SERTAD4: variants seen among roughly 807,000 people sequenced by gnomAD.
The protein encoded by SERTAD4 is SERTA domain containing 4.
A neutral mutation model predicts 32.9 loss-of-function variants in SERTAD4; 18 were observed. That is an observed-to-expected ratio of 0.55 (90% CI 0.38 to 0.81). The LOEUF is 0.81. Ranked by LOEUF, SERTAD4 falls within the 30% of genes least tolerant of loss-of-function variation. SERTAD4 has a pLI of 0.00. For synonymous variants in SERTAD4, 150 were observed against 156.4 expected (o/e 0.96, Z 0.30); for missense variants, 383 against 426.0 (o/e 0.90, Z 0.89).
At position 210,243,334 on chromosome 1, in the gene SERTAD4, T is replaced by G. The variant is rs942529431; in HGVS notation, c.*997T>G. The G allele has an allele frequency of 5.6e-6, 1 of 178,758 alleles. No homozygotes were observed. The highest frequency in any genetic ancestry group is 1.1e-5 in the Non-Finnish European group (1 of 92,700). 11.1% of individuals were successfully genotyped at this position (178,758 alleles called of 1,614,324 possible). Reference sequence around the variant, plus strand: ...ACTGTGTGTTGCTGGGGTTGGGGTTTTCTGGGTTTTGGGTTGTTTTGTTTT... The same window carrying G: ...ACTGTGTGTTGCTGGGGTTGGGGTTGTCTGGGTTTTGGGTTGTTTTGTTTT... On this transcript the variant is annotated 3_prime_UTR_variant, in exon 4 of 4. Coordinates refer to ENST00000367012, the MANE Select transcript of SERTAD4 (RefSeq NM_019605.5).
Position 210,243,093 on chromosome 1 carries a change from CAAAA to C in SERTAD4, c.*775_*778del, listed in dbSNP as rs57426441. The C allele has an allele frequency of 8.3e-3, 4,038 of 485,874 alleles. 82 individuals carry two copies. The East Asian group carries it at 0.25, about 30-fold the overall frequency. The allele number at this position is 485,874 out of a possible 1,614,324, so 30.1% of individuals were successfully genotyped here. A position where few individuals can be genotyped will look rare whatever the true frequency, so the allele number is the denominator to read the frequency against. On this transcript the variant is annotated 3_prime_UTR_variant, in exon 4 of 4. Coordinates refer to ENST00000367012, the MANE Select transcript of SERTAD4 (RefSeq NM_019605.5). ...TACAGCAGGGATTTAACAAACAGGA[CAAAA>C]AAAAAAAAAAAAAAAAAACCACAGG... is the stretch of plus-strand genomic sequence containing the variant.
chr1:210,233,988 T>C, intron 1 of SERTAD4: 1 of 361,788 alleles, frequency 2.8e-6, no homozygotes, highest in Admixed American at 4.2e-5. Flanking sequence ...AACTTGGTTT[T>C]TTTTTTAAAA....
chr1:210,236,807 A>G (rs1181615733), intron 1 of SERTAD4, among the ~76,000 whole-genome samples: 1 of 152,214 alleles, frequency 6.6e-6, no homozygotes, highest in Admixed American at 6.5e-5. Flanking sequence ...ATTGGCAGTT[A>G]AGGAGGCACT....
At position 210,245,786 on chromosome 1, in the gene SERTAD4, T is replaced by C. The variant is rs1012889629; in HGVS notation, c.*3449T>C. On this transcript the variant is annotated 3_prime_UTR_variant, in exon 4 of 4. Transcript: ENST00000367012. ...ATTACAGCTCCACTTGGTGACTTCCTTTCTGTGTATCAGGAGCAGAGCAGA... is the reference window on the plus strand; with the variant it reads ...ATTACAGCTCCACTTGGTGACTTCCCTTCTGTGTATCAGGAGCAGAGCAGA... The C allele has an allele frequency of 1.5e-5, 15 of 984,958 alleles. No homozygotes were observed. The highest frequency in any genetic ancestry group is 6.1e-5 in the Admixed American group (1 of 16,268). The allele number at this position is 984,958 out of a possible 1,614,324, so 61.0% of individuals were successfully genotyped here.
chr1:210,237,972 T>A lies in SERTAD4; in HGVS notation c.12T>A (p.Val4=), dbSNP rs143116225. Residue 4 remains valine, a synonymous_variant, in exon 2 of 4, where the codon GTT becomes GTA. Coordinates refer to ENST00000367012, the MANE Select transcript of SERTAD4 (RefSeq NM_019605.5). Reference sequence around the variant, plus strand: ...TGAGGCTGTCAGAGATGACTCTGGTTCTGTCCATGAATAGATTCTGCGAGC... The same window carrying A: ...TGAGGCTGTCAGAGATGACTCTGGTACTGTCCATGAATAGATTCTGCGAGC... MTL[V]LSMNRFCEPI... is the part of the protein sequence containing the mutation. The A allele has an allele frequency of 7.4e-5, 119 of 1,613,464 alleles. No individual in the cohort carries two copies. In the African/African-American group the frequency reaches 1.4e-3, roughly 20 times the overall value.
intron 1 of SERTAD4, among the ~76,000 whole-genome samples, chr1:210,234,836 C>T (rs1429098955): frequency 6.6e-6 from 1 of 152,178 alleles, no homozygotes; most frequent in Admixed American, 6.5e-5. Flanking sequence ...CTCCTATTAG[C>T]ATCATAATTG....
At chr1:210,237,043 G>A (rs2083947528) in intron 1 of SERTAD4, among the ~76,000 whole-genome samples, 2 of 152,230 alleles carry the variant, frequency 1.3e-5, no homozygotes, top group African/African-American at 4.8e-5. Context: ...GCCCAAGGGA[G>A]AAGGGCGTGA....
chr1:210,234,787 C>A (rs996504994), intron 1 of SERTAD4, among the ~76,000 whole-genome samples: 1 of 152,202 alleles, frequency 6.6e-6, no homozygotes, highest in African/African-American at 2.4e-5. Context: ...ATTCAAGGTG[C>A]CGCTGAATTC....
Position 210,243,019 on chromosome 1 carries a change from A to G in SERTAD4, c.*682A>G. ...TATACAGGGCGATTTTTGGTGCCTT[A>G]CTTTTATCTTAATTTTTGCCAATGT... On this transcript the variant is annotated 3_prime_UTR_variant, in exon 4 of 4. Transcript: ENST00000367012. The G allele has an allele frequency of 1.0e-6, 1 of 973,188 alleles. No homozygotes were observed. The highest frequency in any genetic ancestry group is 1.2e-6 in the Non-Finnish European group (1 of 828,084). 60.3% of individuals were successfully genotyped at this position (973,188 alleles called of 1,614,324 possible).
At position 210,242,766 on chromosome 1, in the gene SERTAD4, A is replaced by G; in HGVS notation, c.*429A>G. The G allele has an allele frequency of 1.0e-6, 1 of 989,686 alleles. No homozygotes were observed. The highest frequency in any genetic ancestry group is 1.2e-6 in the Non-Finnish European group (1 of 832,654). 61.3% of individuals were successfully genotyped at this position (989,686 alleles called of 1,614,324 possible). On this transcript the variant is annotated 3_prime_UTR_variant, in exon 4 of 4. Coordinates refer to ENST00000367012, the MANE Select transcript of SERTAD4 (RefSeq NM_019605.5). This position sits in a 1 kb window ranked among gnomAD's most constrained non-coding sequence, Gnocchi z 4.0. ...AAGATACCTGCTTCTTCTATATGATACAATATTTTTTTTAAATAAAAGACT... is the reference window on the plus strand; with the variant it reads ...AAGATACCTGCTTCTTCTATATGATGCAATATTTTTTTTAAATAAAAGACT...
intron 1 of SERTAD4, among the ~76,000 whole-genome samples, chr1:210,236,584 T>C (rs1214136835): frequency 1.3e-5 from 2 of 152,244 alleles, no homozygotes; most frequent in East Asian, 1.9e-4. Context: ...ACCCTTGTTA[T>C]AGCATGTAGG....
rs1558257946 is a variant in SERTAD4, at chr1:210,241,602, C to G, written c.336C>G (p.Ser112=). 6.2e-7 allele frequency: 1 copy of G among 1,608,408 alleles called. No homozygotes were observed. The highest frequency in any genetic ancestry group is 1.3e-5 in the African/African-American group (1 of 74,146). ...AACGAGCCCACATCCTTTATATGTC[C>G]TTAGAAAAGCTAAAGTTTATCGATG... ...FEERAHILYM[S]LEKLKFIDDP... The change falls in exon 4 of 4, where the codon TCC becomes TCG. Residue 112 remains serine (S), a synonymous_variant. Transcript: ENST00000367012.
rs923107032 is a variant in SERTAD4 at position 210,244,346 on chromosome 1, T to C, written c.*2009T>C. ...GATGATGTGGTGATCAATAAGGTTATGTCTGAAAGAATGTAAAGATTTTCC... is the reference window on the plus strand; with the variant it reads ...GATGATGTGGTGATCAATAAGGTTACGTCTGAAAGAATGTAAAGATTTTCC... On this transcript the variant is annotated 3_prime_UTR_variant, in exon 4 of 4. Transcript: ENST00000367012. The C allele has an allele frequency of 1.3e-5, 2 of 152,242 alleles. No individual in the cohort carries two copies. The highest frequency in any genetic ancestry group is 4.8e-5 in the African/African-American group (2 of 41,460). The allele number at this position is 152,242 out of a possible 1,614,324, so 9.4% of individuals were successfully genotyped here. A position where few individuals can be genotyped will look rare whatever the true frequency, so the allele number is the denominator to read the frequency against.
chr1:210,238,553 A>G (rs930286835), intron 2 of SERTAD4, among the ~76,000 whole-genome samples: 2 of 152,200 alleles, frequency 1.3e-5, no homozygotes, highest in East Asian at 1.9e-4. Context: ...GCCAGCAGCT[A>G]TGAGCTTCTT....
rs1023685833 is a variant in SERTAD4 at position 210,244,149 on chromosome 1, T to C, written c.*1812T>C. 6.6e-6 allele frequency: 1 copy of C among 152,332 alleles called. No individual in the cohort carries two copies. Among genetic ancestry groups the C allele is most frequent in the East Asian group, 1.9e-4 (1 of 5,186 alleles). The allele number at this position is 152,332 out of a possible 1,614,324, so 9.4% of individuals were successfully genotyped here. A position where few individuals can be genotyped will look rare whatever the true frequency, so the allele number is the denominator to read the frequency against. On this transcript the variant is annotated 3_prime_UTR_variant, in exon 4 of 4. Transcript: ENST00000367012. ...CTATTGGCTATGTTTCTCTTTTCCA[T>C]TATTCTCTCTCCTTTAAAAAACTCA...
intron 1 of SERTAD4, chr1:210,234,179 T>G (rs1372047526): frequency 4.3e-6 from 1 of 234,522 alleles, no homozygotes; most frequent in Non-Finnish European, 8.3e-6. Flanking sequence ...GGCTGAGGGC[T>G]GCGGCACCGA....
chr1:210,236,632 C>G (rs2083943114), intron 1 of SERTAD4, among the ~76,000 whole-genome samples: 1 of 152,214 alleles, frequency 6.6e-6, no homozygotes, highest in Non-Finnish European at 1.5e-5. Context: ...TAGATTCACT[C>G]TTTCCCAGAA....
chr1:210,238,291 T>C (rs536865379), intron 2 of SERTAD4, among the ~76,000 whole-genome samples, 156 bp downstream of exon 2: 1 of 152,214 alleles, frequency 6.6e-6, no homozygotes, highest in Non-Finnish European at 1.5e-5. Flanking sequence ...CATAAGTGAG[T>C]CCAGAGCTCC....
In SERTAD4 at chr1:210,239,353, A is replaced by G. The variant is rs11119448; in HGVS notation, c.176-140A>G. 0.01 allele frequency: 6,356 copies of G among 611,622 alleles called. 347 individuals carry two copies. In the African/African-American group the frequency reaches 0.11, roughly 11 times the overall value. The allele number at this position is 611,622 out of a possible 1,614,324, so 37.9% of individuals were successfully genotyped here. ...CCATATGATAGCAACTATTAAGACA[A>G]ATGTTTATTTTTAATCACCACATGT... is the stretch of plus-strand genomic sequence containing the variant. On this transcript the variant is annotated intron_variant, in intron 2 of 3. Transcript: ENST00000367012.
Sources: allele counts gnomAD v4.1 joint callset (sites outside exome capture counted in the v4.1 genomes callset), GRCh38; gene constraint gnomAD v4.1.1; non-coding constraint Gnocchi (gnomAD v3.1); transcripts MANE v1.5; gene names NCBI Gene and HGNC (gene_info 2026-07-23, HGNC 2026-07-21).